The following PCDH12 variants were observed in gnomAD, a reference collection of about 807,000 sequenced individuals.
PCDH12 encodes protocadherin-12.
PCDH12 carries 45 observed loss-of-function variants against 70.9 expected under a neutral mutation model. The ratio of observed to expected loss-of-function variants is 0.63; its 90% CI spans 0.50 to 0.81. The LOEUF is 0.81. Among genes scored for constraint, PCDH12 ranks in the 40% least tolerant of loss-of-function variants. PCDH12 has a pLI of 0.00. For missense variants in PCDH12, 1,370 were observed against 1,491.7 expected (o/e 0.92, Z 1.34); for synonymous variants, 567 against 626.0 (o/e 0.91, Z 1.41).
chr5:141,952,102 A>G (rs1361518707), intron 1 of PCDH12, among the ~76,000 whole-genome samples: 2 of 152,220 alleles, frequency 1.3e-5, no homozygotes, highest in African/African-American at 4.8e-5. Flanking sequence ...AATAAGTGCC[A>G]GGCAGGGTGG....
intron 2 of PCDH12, among the ~76,000 whole-genome samples, chr5:141,950,244 C>T (rs1753051818): frequency 6.6e-6 from 1 of 152,184 alleles, no homozygotes; most frequent in South Asian, 2.1e-4. Flanking sequence ...TGGTCCCTCT[C>T]TCCCATAGAC....
chr5:141,955,799 A>T lies in PCDH12; in HGVS notation c.2053T>A (p.Leu685Ile). 6.2e-7 allele frequency: 1 copy of T among 1,613,776 alleles called. No homozygotes were observed. The change falls in exon 1 of 4, where the codon TTA becomes ATA. Residue 685 changes from leucine (L) to isoleucine (I), a missense_variant. Transcript: ENST00000231484. The surrounding 1 kb of genome is among the most constrained non-coding windows in gnomAD (Gnocchi z 5.5). ...ACCCTCAACAGGGCTCGGGTCTGTA[A>T]GGGGGGGCTTCCCTGGTCCTCTACT... ...IVVEDQGSPPLQTRALLRVMF... is the reference protein window; with the variant it reads ...IVVEDQGSPPIQTRALLRVMF...
chr5:141,951,833 G>A (rs1029342571), intron 1 of PCDH12, among the ~76,000 whole-genome samples: 3 of 152,254 alleles, frequency 2.0e-5, no homozygotes, highest in African/African-American at 7.2e-5. Flanking sequence ...GACCCTCTGG[G>A]CCTGTCCCCT....
intron 3 of PCDH12, among the ~76,000 whole-genome samples, chr5:141,948,853 C>G (rs1371341038): frequency 6.6e-6 from 1 of 152,002 alleles, no homozygotes; most frequent in African/African-American, 2.4e-5. Flanking sequence ...AAGATGCTTC[C>G]CCAGTGCCTG....
chr5:141,951,399 CTT>C, intron 2 of PCDH12, 92 bp downstream of exon 2: 1 of 939,832 alleles, frequency 1.1e-6, no homozygotes, highest in Non-Finnish European at 1.7e-6. Context: ...CGGTGTCTGA[CTT>C]GTGCTCACCC....
Position 141,955,250 on chromosome 5 carries a change from G to T in PCDH12, c.2602C>A (p.Pro868Thr). Residue 868 changes from proline (P) to threonine (T), a missense_variant, in exon 1 of 4, where the codon CCC (proline) becomes ACC (threonine). Physicochemically the swap from Pro to Thr is conservative, Grantham distance 38. Coordinates refer to ENST00000231484, the MANE Select transcript of PCDH12 (RefSeq NM_016580.4). The surrounding 1 kb of genome is among the most constrained non-coding windows in gnomAD (Gnocchi z 5.5). Reference sequence around the variant, plus strand: ...CGTGGCTGGCCTGTGGCAGGCTGGGGCTCGGGAAGGTTCAGGTTCTCCCGG... The same window carrying T: ...CGTGGCTGGCCTGTGGCAGGCTGGGTCTCGGGAAGGTTCAGGTTCTCCCGG... Reference protein sequence around the residue: ...ASRENLNLPEPQPATGQPRSR... With the variant: ...ASRENLNLPETQPATGQPRSR... 1.2e-6 allele frequency: 2 copies of T among 1,614,206 alleles called. No homozygotes were observed. Among genetic ancestry groups the T allele is most frequent in the Non-Finnish European group, 1.7e-6 (2 of 1,180,042 alleles).
rs1315571317 is a variant in PCDH12 at position 141,957,422 on chromosome 5, T to C, written c.430A>G (p.Ile144Val). ...RFPKGEQELE[I>V]SESASLRTRI... The stretch of plus-strand genomic sequence containing the variant: ...GTTCGCAGAGAGGCGCTCTCAGAGA[T>C]TTCCAGCTCCTGCTCGCCTTTGGGA... Residue 144 changes from isoleucine (I) to valine (V), a missense_variant, in exon 1 of 4, where the codon ATC becomes GTC. Coordinates refer to ENST00000231484, the MANE Select transcript of PCDH12 (RefSeq NM_016580.4). The surrounding 1 kb of genome is among the most constrained non-coding windows in gnomAD (Gnocchi z 4.3). 1 of 1,612,990 alleles carries C rather than the reference T, an allele frequency of 6.2e-7. No homozygotes were observed. The highest frequency in any genetic ancestry group is 2.2e-5 in the East Asian group (1 of 44,872).
intron 3 of PCDH12, among the ~76,000 whole-genome samples, chr5:141,946,070 C>T (rs1281972146): frequency 2.6e-5 from 4 of 152,112 alleles, no homozygotes; most frequent in African/African-American, 7.2e-5. Context: ...AGAAATTTGC[C>T]GATTTCTGAA....
In PCDH12 at chr5:141,957,394, C is replaced by T. The variant is rs777173373; in HGVS notation, c.458G>A (p.Arg153Gln). The change falls in exon 1 of 4, where the codon CGG becomes CAG. Residue 153 changes from arginine (R) to glutamine (Q), a missense_variant. By Grantham distance (43) the Arg-to-Gln change is conservative. Transcript: ENST00000231484. The surrounding 1 kb of genome is among the most constrained non-coding windows in gnomAD (Gnocchi z 4.3). ...GTCAAGAGCTCTGTCCAGGGGGATC[C>T]GGGTTCGCAGAGAGGCGCTCTCAGA... is the stretch of plus-strand genomic sequence containing the variant. The part of the protein sequence containing the change: ...EISESASLRT[R>Q]IPLDRALDPD... The T allele has an allele frequency of 2.9e-5, 46 of 1,613,620 alleles. No individual in the cohort carries two copies. Among genetic ancestry groups the T allele is most frequent in the Middle Eastern group, 1.7e-4 (1 of 6,058 alleles).
Position 141,945,293 on chromosome 5 carries a change from C to CT in PCDH12, c.*87dup. 1 of 1,474,096 alleles carries CT rather than the reference C, an allele frequency of 6.8e-7. No homozygotes were observed. Among genetic ancestry groups the CT allele is most frequent in the Non-Finnish European group, 9.1e-7 (1 of 1,097,682 alleles). The allele number at this position is 1,474,096 out of a possible 1,614,324, so 91.3% of individuals were successfully genotyped here. On this transcript the variant is annotated 3_prime_UTR_variant, in exon 4 of 4. Transcript: ENST00000231484. The stretch of plus-strand genomic sequence containing the variant: ...CCTAAAGTTCTCAGGCCGCCGCTAG[C>CT]TAGTGAGTTACAAGATTTTAGAAAC...
In PCDH12 at chr5:141,956,236, T is replaced by C. The variant is rs758306482; in HGVS notation, c.1616A>G (p.Asp539Gly). 6.8e-6 allele frequency: 11 copies of C among 1,614,094 alleles called. No homozygotes were observed. Among genetic ancestry groups the C allele is most frequent in the Non-Finnish European group, 8.5e-6 (10 of 1,180,046 alleles). The change falls in exon 1 of 4, where the codon GAC becomes GGC. Residue 539 changes from aspartate (D) to glycine (G), a missense_variant. Asp to Gly is a moderately conservative substitution (Grantham distance 94). Transcript: ENST00000231484. ...GGATGCAAGCATGGGTTGCCCGCTGTCCTCTGCGATCACCTGGAACTCAAA... is the reference window on the plus strand; with the variant it reads ...GGATGCAAGCATGGGTTGCCCGCTGCCCTCTGCGATCACCTGGAACTCAAA... Reference protein sequence around the residue: ...AGFEFQVIAEDSGQPMLASSV... With the variant: ...AGFEFQVIAEGSGQPMLASSV...
chr5:141,949,639 A>G, intron 2 of PCDH12, 56 bp from the exon 3 acceptor site: 1 of 1,556,872 alleles, frequency 6.4e-7, no homozygotes, highest in South Asian at 1.2e-5. Context: ...AGATTCATTC[A>G]TTCATGCCCA....
chr5:141,950,577 C>T lies in PCDH12; in HGVS notation c.2978+916G>A, dbSNP rs992223001. ...ACTTGTGAAGATTTTGCAGGTTGCCCAAGGTCCCCATAGATTAAGAGATAA... is the reference window on the plus strand; with the variant it reads ...ACTTGTGAAGATTTTGCAGGTTGCCTAAGGTCCCCATAGATTAAGAGATAA... On this transcript the variant is annotated intron_variant, in intron 2 of 3. Transcript: ENST00000231484. 1.1e-4 allele frequency among the ~76,000 whole-genome samples: 17 copies of T among 152,096 alleles called. 1 individual carries two copies. Among genetic ancestry groups the T allele is most frequent in the Admixed American group, 4.6e-4 (7 of 15,280 alleles).
At position 141,951,564 on chromosome 5, in the gene PCDH12, C is replaced by T; in HGVS notation, c.2907G>A (p.Leu969=). The change falls in exon 2 of 4, where the codon CTG becomes CTA. Residue 969 remains leucine, a synonymous_variant. Transcript: ENST00000231484. ...GTTTGGGCTGGAATTGGCCCTGATG[C>T]AGCAAGGACAGCAGCTGGGAGATTT... ...VQQISQLLSL[L]HQGQFQPKPN... is the part of the protein sequence containing the mutation. The T allele has an allele frequency of 6.2e-7, 1 of 1,614,182 alleles. No individual in the cohort carries two copies. The highest frequency in any genetic ancestry group is 2.2e-5 in the East Asian group (1 of 44,886).
rs746713952 is a variant in PCDH12, at chr5:141,957,378, T to A, written c.474A>T (p.Arg158Ser). 27 of 1,613,708 alleles carry A rather than the reference T, an allele frequency of 1.7e-5. No homozygotes were observed. Among genetic ancestry groups the A allele is most frequent in the Non-Finnish European group, 2.1e-5 (25 of 1,179,868 alleles). Reference sequence around the variant, plus strand: ...TAGGGCCTGTGTCTGGGTCAAGAGCTCTGTCCAGGGGGATCCGGGTTCGCA... The same window carrying A: ...TAGGGCCTGTGTCTGGGTCAAGAGCACTGTCCAGGGGGATCCGGGTTCGCA... ...ASLRTRIPLD[R>S]ALDPDTGPNT... The change falls in exon 1 of 4, where the codon AGA (arginine) becomes AGT (serine). Residue 158 changes from arginine (R) to serine (S), a missense_variant. Coordinates refer to ENST00000231484, the MANE Select transcript of PCDH12 (RefSeq NM_016580.4). The surrounding 1 kb of genome is among the most constrained non-coding windows in gnomAD (Gnocchi z 4.3).
At chr5:141,946,238 C>T (rs1224292041) in intron 3 of PCDH12, among the ~76,000 whole-genome samples, 2 of 152,132 alleles carry the variant, frequency 1.3e-5, no homozygotes, top group African/African-American at 2.4e-5. Context: ...CCTGACTTAG[C>T]GCTGCCTTTT....
At position 141,955,574 on chromosome 5, in the gene PCDH12, G is replaced by C; in HGVS notation, c.2278C>G (p.Arg760Gly). The C allele has an allele frequency of 6.2e-7, 1 of 1,614,126 alleles. No individual in the cohort carries two copies. The highest frequency in any genetic ancestry group is 1.6e-4 in the Middle Eastern group (1 of 6,062). The change falls in exon 1 of 4, where the codon CGC becomes GGC. Residue 760 changes from arginine (R) to glycine (G), a missense_variant. Physicochemically the swap from Arg to Gly is moderately radical, Grantham distance 125. Coordinates refer to ENST00000231484, the MANE Select transcript of PCDH12 (RefSeq NM_016580.4). The surrounding 1 kb of genome is among the most constrained non-coding windows in gnomAD (Gnocchi z 5.5). ...YNCREAESTY[R>G]QQPKRPQKHI... ...TTCTGGGGCCTCTTGGGCTGCTGGC[G>C]GTAGGTGGACTCGGCCTCCCGACAG...
In PCDH12 at chr5:141,955,140, T is replaced by C. The variant is rs757050421; in HGVS notation, c.2712A>G (p.Pro904=). 13 of 1,614,092 alleles carry C rather than the reference T, an allele frequency of 8.1e-6. No individual in the cohort carries two copies. The highest frequency in any genetic ancestry group is 1.1e-5 in the Non-Finnish European group (13 of 1,180,030). ...QGSEEAPQRP[P]ASSATLRRQR... is the part of the protein sequence containing the mutation. ...GCCGTCTCAGGGTTGCAGAGGAGGCTGGTGGCCTCTGTGGGGCTTCCTCAC... is the reference window on the plus strand; with the variant it reads ...GCCGTCTCAGGGTTGCAGAGGAGGCCGGTGGCCTCTGTGGGGCTTCCTCAC... Residue 904 remains proline, a synonymous_variant, in exon 1 of 4, where the codon CCA becomes CCG. Coordinates refer to ENST00000231484, the MANE Select transcript of PCDH12 (RefSeq NM_016580.4). The surrounding 1 kb of genome is among the most constrained non-coding windows in gnomAD (Gnocchi z 5.5).
rs759501210 is a variant in PCDH12, at chr5:141,956,549, G to T, written c.1303C>A (p.Gln435Lys). Residue 435 changes from glutamine to lysine, a missense_variant, in exon 1 of 4, where the codon CAA becomes AAA. Gln to Lys is a moderately conservative substitution (Grantham distance 53). Coordinates refer to ENST00000231484, the MANE Select transcript of PCDH12 (RefSeq NM_016580.4). ...TTGGCTGATAAGGGCTGGAGTCCTTGGTCTTGGGCTAACAGAGTGAGGGTA... is the reference window on the plus strand; with the variant it reads ...TTGGCTGATAAGGGCTGGAGTCCTTTGTCTTGGGCTAACAGAGTGAGGGTA... ...KYTLTLLAQD[Q>K]GLQPLSAKKQ... is the part of the protein sequence containing the mutation. 7 of 1,614,106 alleles carry T rather than the reference G, an allele frequency of 4.3e-6. No individual in the cohort carries two copies. The South Asian group carries it at 7.7e-5, about 18-fold the overall frequency.
Sources: allele counts gnomAD v4.1 joint callset (sites outside exome capture counted in the v4.1 genomes callset), GRCh38; gene constraint gnomAD v4.1.1; non-coding constraint Gnocchi (gnomAD v3.1); transcripts MANE v1.5; gene names NCBI Gene and HGNC (gene_info 2026-07-23, HGNC 2026-07-21).